The following ZNF804A variants were observed in gnomAD, a reference collection of about 807,000 sequenced individuals.
ZNF804A encodes the protein zinc finger protein 804A.
ZNF804A carries 2 observed loss-of-function variants against 16.5 expected under a neutral mutation model. The observed-to-expected ratio is 0.12, with a 90% CI of 0.05 to 0.38. The LOEUF (loss-of-function observed/expected upper bound fraction) is 0.38, where lower values mean the gene tolerates loss of function less well. Ranked by LOEUF, ZNF804A falls within the 10% of genes least tolerant of loss-of-function variation. ZNF804A has a pLI of 0.99. For synonymous variants in ZNF804A, 534 were observed against 489.6 expected (o/e 1.09, Z -1.20); for missense variants, 1,473 against 1,390.7 (o/e 1.06, Z -0.94).
intron 1 of ZNF804A, among the ~76,000 whole-genome samples, chr2:184,618,756 A>G (rs1691371410): frequency 6.6e-6 from 1 of 152,130 alleles, no homozygotes; most frequent in African/African-American, 2.4e-5. Context: ...CAGGCTGTTT[A>G]TACCTAGAAG....
intron 1 of ZNF804A, among the ~76,000 whole-genome samples, chr2:184,719,283 C>A (rs1313442138): frequency 6.6e-6 from 1 of 151,980 alleles, no homozygotes; most frequent in Non-Finnish European, 1.5e-5. Flanking sequence ...ACCCATGAAA[C>A]CATTTTTTTT....
intron 2 of ZNF804A, among the ~76,000 whole-genome samples, chr2:184,907,014 T>C (rs1266576689): frequency 2.0e-5 from 3 of 152,114 alleles, no homozygotes; most frequent in Non-Finnish European, 4.4e-5. Flanking sequence ...ATCTCAGACC[T>C]CCAGCCATGA....
At chr2:184,656,606 C>T (rs1162060705) in intron 1 of ZNF804A, among the ~76,000 whole-genome samples, 6 of 152,000 alleles carry the variant, frequency 3.9e-5, no homozygotes, top group African/African-American at 1.5e-4. Flanking sequence ...ATATATTTCT[C>T]TTCCTCAGAA....
intron 1 of ZNF804A, among the ~76,000 whole-genome samples, chr2:184,660,233 A>G (rs1198337787): frequency 6.6e-6 from 1 of 152,216 alleles, no homozygotes; most frequent in African/African-American, 2.4e-5. Flanking sequence ...GCACAGTCTA[A>G]ATTCTTCCAT....
At chr2:184,642,884 A>C (rs990963091) in intron 1 of ZNF804A, among the ~76,000 whole-genome samples, 1 of 152,174 alleles carries the variant, frequency 6.6e-6, no homozygotes, top group South Asian at 2.1e-4. Context: ...GACAACTGCC[A>C]AATTTTCTTG....
chr2:184,782,861 A>T (rs72903723), intron 1 of ZNF804A, among the ~76,000 whole-genome samples: 7,514 of 149,896 alleles, frequency 0.05, 245 homozygotes, highest in Middle Eastern at 0.079. Context: ...TATTGACAAC[A>T]TTGTAGTCAA....
At chr2:184,885,383 C>A (rs1684873115) in intron 2 of ZNF804A, among the ~76,000 whole-genome samples, 2 of 152,142 alleles carry the variant, frequency 1.3e-5, no homozygotes, top group Admixed American at 6.5e-5. Flanking sequence ...AAACGACACA[C>A]ATGCTTATGT....
chr2:184,671,874 G>A lies in ZNF804A; in HGVS notation c.111+72804G>A, dbSNP rs564391822. Among the ~76,000 whole-genome samples, 61 of 152,266 alleles carry A rather than the reference G, an allele frequency of 4.0e-4. 2 individuals carry two copies. In the South Asian group the frequency reaches 0.011, roughly 28 times the overall value. The stretch of plus-strand genomic sequence containing the variant: ...TTCAGATTATGAGATTTACCATAGT[G>A]TGTTATTGTTCTTTTTCTAAAATAA... On this transcript the variant is annotated intron_variant, in intron 1 of 3. Transcript: ENST00000302277.
At chr2:184,933,542 A>G (rs1336466570) in intron 2 of ZNF804A, 61 bp from the exon 3 acceptor site, 1 of 1,492,004 alleles carries the variant, frequency 6.7e-7, no homozygotes, top group African/African-American at 1.4e-5. Flanking sequence ...AATAACAATG[A>G]AACTTTAAAA....
At chr2:184,672,117 G>C (rs1047546596) in intron 1 of ZNF804A, among the ~76,000 whole-genome samples, 2 of 152,132 alleles carry the variant, frequency 1.3e-5, no homozygotes, top group African/African-American at 4.8e-5. Context: ...AATTAAACTA[G>C]TTCATGAAAG....
chr2:184,755,877 G>A (rs1053945154), intron 1 of ZNF804A, among the ~76,000 whole-genome samples: 1 of 151,904 alleles, frequency 6.6e-6, no homozygotes, highest in African/African-American at 2.4e-5. Context: ...TCTACTCCCA[G>A]AAGAGGAGAG....
At chr2:184,625,592 G>A (rs1025505467) in intron 1 of ZNF804A, among the ~76,000 whole-genome samples, 2 of 152,012 alleles carry the variant, frequency 1.3e-5, no homozygotes, top group African/African-American at 2.4e-5. Flanking sequence ...TAAAAGGCAC[G>A]ATTTAAGATG....
intron 1 of ZNF804A, among the ~76,000 whole-genome samples, chr2:184,770,882 C>A (rs1316517579): frequency 6.6e-6 from 1 of 151,826 alleles, no homozygotes; most frequent in African/African-American, 2.4e-5. Context: ...ATTCTATAAC[C>A]CAAAATCTTG....
intron 1 of ZNF804A, among the ~76,000 whole-genome samples, chr2:184,656,612 C>G (rs900306486): frequency 6.6e-6 from 1 of 152,038 alleles, no homozygotes; most frequent in Non-Finnish European, 1.5e-5. Flanking sequence ...TTCTCTTCCT[C>G]AGAACATACT....
At chr2:184,687,146 T>C (rs764689527) in intron 1 of ZNF804A, among the ~76,000 whole-genome samples, 3 of 152,220 alleles carry the variant, frequency 2.0e-5, no homozygotes, top group Non-Finnish European at 4.4e-5. Context: ...GGGATTCTTA[T>C]AGCTTGAGTT....
At chr2:184,608,375 T>A (rs1023534583) in intron 1 of ZNF804A, among the ~76,000 whole-genome samples, 3 of 152,304 alleles carry the variant, frequency 2.0e-5, no homozygotes, top group African/African-American at 7.2e-5. Flanking sequence ...AAAAGACAAT[T>A]CCATATTGGG....
intron 3 of ZNF804A, among the ~76,000 whole-genome samples, chr2:184,935,022 A>G (rs914496811): frequency 6.6e-6 from 1 of 152,138 alleles, no homozygotes; most frequent in South Asian, 2.1e-4. Context: ...CTTCACACAG[A>G]GTTCTGCTAA....
intron 1 of ZNF804A, among the ~76,000 whole-genome samples, chr2:184,746,044 G>A (rs79105697): frequency 0.041 from 6,228 of 151,372 alleles, 418 homozygotes; most frequent in African/African-American, 0.14. Context: ...GAATCAAAAA[G>A]CACGCATTTT....
intron 2 of ZNF804A, among the ~76,000 whole-genome samples, chr2:184,905,979 A>G (rs956874537): frequency 6.6e-6 from 1 of 152,148 alleles, no homozygotes; most frequent in Admixed American, 6.6e-5. Flanking sequence ...ATTGACCTTC[A>G]ATGATCCATA....
Sources: gnomAD v4.1 joint callset for allele counts (sites outside exome capture counted in the v4.1 genomes callset) on GRCh38, gnomAD v4.1.1 for gene constraint, MANE v1.5 for transcripts, NCBI Gene and HGNC (gene_info 2026-07-23, HGNC 2026-07-21) for gene names.